The following LDLRAD4 variants were observed in gnomAD, a reference collection of about 807,000 sequenced individuals.
The protein encoded by LDLRAD4 is low density lipoprotein receptor class A domain containing 4, also known as low-density lipoprotein receptor class A domain-containing protein 4.
In LDLRAD4, 5 loss-of-function variants were observed where a neutral mutation model predicts 17.0. The observed-to-expected ratio is 0.29, with a 90% CI of 0.15 to 0.62. The LOEUF (loss-of-function observed/expected upper bound fraction) is 0.62, where lower values mean the gene tolerates loss of function less well. Among genes scored for constraint, LDLRAD4 ranks in the 20% least tolerant of loss-of-function variants. The pLI is 0.84. For synonymous variants in LDLRAD4, 168 were observed against 171.8 expected (o/e 0.98, Z 0.17); for missense variants, 340 against 424.7 (o/e 0.80, Z 1.75).
intron 1 of LDLRAD4, among the ~76,000 whole-genome samples, chr18:13,350,356 T>A (rs1449590790): frequency 3.3e-5 from 5 of 152,244 alleles, no homozygotes; most frequent in African/African-American, 1.2e-4. Flanking sequence ...CATTATGGTT[T>A]TGATTTGCAT....
intron 3 of LDLRAD4, among the ~76,000 whole-genome samples, chr18:13,534,735 C>T (rs76656468): frequency 0.15 from 22,264 of 152,036 alleles, 1,900 homozygotes; most frequent in Middle Eastern, 0.28. Flanking sequence ...GTGAAGAGTT[C>T]GATGAATTTT....
chr18:13,424,380 G>A (rs566397992), intron 2 of LDLRAD4, among the ~76,000 whole-genome samples: 7 of 152,272 alleles, frequency 4.6e-5, no homozygotes, highest in African/African-American at 1.7e-4. Flanking sequence ...CAGGAGCACA[G>A]ATATCAGGTA....
chr18:13,441,706 G>A (rs894232426), intron 3 of LDLRAD4, among the ~76,000 whole-genome samples: 4 of 152,180 alleles, frequency 2.6e-5, no homozygotes, highest in Non-Finnish European at 1.5e-5. Flanking sequence ...ACAAGAAAAT[G>A]TTACTGTTAT....
chr18:13,637,486 T>C lies in LDLRAD4; in HGVS notation c.337-5873T>C, dbSNP rs1300918970. Among the ~76,000 whole-genome samples the C allele has an allele frequency of 2.6e-5, 4 of 152,126 alleles. No individual in the cohort carries two copies. The East Asian group carries it at 7.7e-4, about 29-fold the overall frequency. On this transcript the variant is annotated intron_variant, in intron 4 of 5. Transcript: ENST00000359446. ...TGCCCCCATTCCTCAGCCTTTCCAT[T>C]CAAAACACCACCTTTGGAATACTGT...
intron 1 of LDLRAD4, among the ~76,000 whole-genome samples, chr18:13,243,414 C>G (rs963013143): frequency 1.3e-5 from 2 of 151,984 alleles, no homozygotes; most frequent in Non-Finnish European, 2.9e-5. Flanking sequence ...ACCCACCCAC[C>G]TATCCATCCA....
At chr18:13,518,542 C>A (rs904978405) in intron 3 of LDLRAD4, among the ~76,000 whole-genome samples, 24 of 152,330 alleles carry the variant, frequency 1.6e-4, no homozygotes, top group African/African-American at 5.3e-4. Flanking sequence ...TCTCATTAAA[C>A]TTCCCGTGTT....
intron 1 of LDLRAD4, among the ~76,000 whole-genome samples, chr18:13,327,447 A>G (rs886896015): frequency 6.6e-6 from 1 of 152,176 alleles, no homozygotes; most frequent in Non-Finnish European, 1.5e-5. Context: ...AGAAAATGCC[A>G]TCAGAATAGC....
At chr18:13,308,284 C>G (rs990416829) in intron 1 of LDLRAD4, among the ~76,000 whole-genome samples, 1 of 152,196 alleles carries the variant, frequency 6.6e-6, no homozygotes, top group Non-Finnish European at 1.5e-5. Context: ...ATAGACATGC[C>G]AGTTTACATA....
chr18:13,277,322 C>T (rs1259646394), upstream of LDLRAD4, among the ~76,000 whole-genome samples: 2 of 152,170 alleles, frequency 1.3e-5, no homozygotes, highest in Admixed American at 6.5e-5. Flanking sequence ...TGCTGAGAGG[C>T]GCTTGTGGTG....
intron 1 of LDLRAD4, among the ~76,000 whole-genome samples, chr18:13,219,730 C>T (rs1043704743): frequency 2.0e-5 from 3 of 152,188 alleles, no homozygotes; most frequent in African/African-American, 7.2e-5. Flanking sequence ...CTTTTAAAAA[C>T]GGCCCTTTCT....
In LDLRAD4 at chr18:13,630,622, G is replaced by A. The variant is rs1386623884; in HGVS notation, c.336+9351G>A. On this transcript the variant is annotated intron_variant, in intron 4 of 5. Transcript: ENST00000359446. ...TACCCAGCAGTAGTCTTGCTTTACCGCAGACTGACCGAGGTGCCTAGAGAG... is the reference window on the plus strand; with the variant it reads ...TACCCAGCAGTAGTCTTGCTTTACCACAGACTGACCGAGGTGCCTAGAGAG... 5.9e-5 allele frequency among the ~76,000 whole-genome samples: 9 copies of A among 152,252 alleles called. No individual in the cohort carries two copies. In the South Asian group the frequency reaches 8.3e-4, roughly 14 times the overall value.
intron 2 of LDLRAD4, among the ~76,000 whole-genome samples, chr18:13,429,650 A>G (rs1478068523): frequency 6.6e-6 from 1 of 152,242 alleles, no homozygotes; most frequent in Non-Finnish European, 1.5e-5. Context: ...CTTTTAGAAC[A>G]TAAGACTTTT....
chr18:13,620,937 C>T, intron 3 of LDLRAD4, 180 bp from the exon 5 acceptor site: 4 of 846,178 alleles, frequency 4.7e-6, no homozygotes, highest in Admixed American at 4.3e-5. Context: ...AGCCTCCCGA[C>T]TGTGCCGTGG....
chr18:13,538,382 A>G (rs763574635), intron 3 of LDLRAD4, among the ~76,000 whole-genome samples: 7 of 152,308 alleles, frequency 4.6e-5, no homozygotes, highest in East Asian at 3.9e-4. Context: ...CTGTGATTCA[A>G]TTCAAAATAT....
At chr18:13,461,904 C>T (rs2092445935) in intron 3 of LDLRAD4, among the ~76,000 whole-genome samples, 1 of 152,142 alleles carries the variant, frequency 6.6e-6, no homozygotes, top group Admixed American at 6.5e-5. Context: ...TTTCATCTGC[C>T]ACACAGAAAA....
At chr18:13,533,270 A>G (rs143644414) in intron 3 of LDLRAD4, among the ~76,000 whole-genome samples, 1 of 152,166 alleles carries the variant, frequency 6.6e-6, no homozygotes, top group African/African-American at 2.4e-5. Flanking sequence ...TTGAAACCCC[A>G]GTCACTTTGA....
rs557191133 is a variant in LDLRAD4, at chr18:13,414,369, G to A, written c.41-23875G>A. On this transcript the variant is annotated intron_variant, in intron 2 of 5. Coordinates refer to ENST00000359446, the Ensembl canonical transcript of LDLRAD4. ...CATTGCACTAAGTGGGCCAGTGAAT[G>A]TACAGTTCAGTACCTTCCTCATGCA... 1.1e-4 allele frequency among the ~76,000 whole-genome samples: 17 copies of A among 152,352 alleles called. No individual in the cohort carries two copies. In the South Asian group the frequency reaches 3.5e-3, roughly 32 times the overall value.
intron 1 of LDLRAD4, among the ~76,000 whole-genome samples, chr18:13,243,212 G>C (rs2042755984): frequency 6.6e-6 from 1 of 152,214 alleles, no homozygotes; most frequent in African/African-American, 2.4e-5. Context: ...TGGTGTGGGA[G>C]GCAGGGCCCC....
At chr18:13,409,940 G>C (rs2088162270) in intron 2 of LDLRAD4, among the ~76,000 whole-genome samples, 1 of 152,162 alleles carries the variant, frequency 6.6e-6, no homozygotes, top group Non-Finnish European at 1.5e-5. Flanking sequence ...CAAACACTGA[G>C]TGCTCAAGGT....
Sources: allele counts gnomAD v4.1 joint callset (sites outside exome capture counted in the v4.1 genomes callset), GRCh38; gene constraint gnomAD v4.1.1; transcripts MANE v1.5; gene names NCBI Gene and HGNC (gene_info 2026-07-23, HGNC 2026-07-21).